GNA12: variants seen among roughly 807,000 people sequenced by gnomAD.
GNA12 encodes guanine nucleotide-binding protein subunit alpha-12.
A neutral mutation model predicts 26.0 loss-of-function variants in GNA12; 9 were observed. That is an observed-to-expected ratio of 0.35 (90% confidence interval 0.21 to 0.60). GNA12 has a LOEUF of 0.60. GNA12 is among the 20% of genes least tolerant of loss of function. The pLI, the probability that GNA12 is intolerant of heterozygous loss-of-function variation, is 0.78. For missense variants in GNA12, 405 were observed against 525.8 expected (o/e 0.77, Z 2.25); for synonymous variants, 264 against 219.6 (o/e 1.20, Z -1.79).
chr7:2,752,545 A>G (rs1791091604), intron 2 of GNA12, among the ~76,000 whole-genome samples: 1 of 152,194 alleles, frequency 6.6e-6, no homozygotes, highest in African/African-American at 2.4e-5. Context: ...CAAACACAAA[A>G]TCCTAAGGAA....
At chr7:2,797,147 T>C (rs895038667) in intron 1 of GNA12, among the ~76,000 whole-genome samples, 4 of 152,186 alleles carry the variant, frequency 2.6e-5, no homozygotes, top group Non-Finnish European at 4.4e-5. Context: ...TAGGCACTTA[T>C]CTATGTTCCT....
chr7:2,828,455 G>T (rs1226486501), intron 1 of GNA12, among the ~76,000 whole-genome samples: 3 of 152,198 alleles, frequency 2.0e-5, no homozygotes, highest in African/African-American at 7.2e-5. Flanking sequence ...CTGTGCTCAA[G>T]CGATCCTCCT....
At chr7:2,787,893 G>A (rs1348148983) in intron 2 of GNA12, among the ~76,000 whole-genome samples, 1 of 152,342 alleles carries the variant, frequency 6.6e-6, no homozygotes, top group East Asian at 1.9e-4. Context: ...CATGGCTCAC[G>A]CCTGGAATCC....
chr7:2,835,280 C>T (rs1011163879), intron 1 of GNA12, among the ~76,000 whole-genome samples: 2 of 152,180 alleles, frequency 1.3e-5, no homozygotes, highest in African/African-American at 2.4e-5. Context: ...TACACAACTT[C>T]GGGAACACCA....
chr7:2,833,150 ATTTCT>A (rs1282474382), intron 1 of GNA12, among the ~76,000 whole-genome samples: 6 of 152,184 alleles, frequency 3.9e-5, no homozygotes, highest in African/African-American at 9.7e-5. Context: ...TGAAGCCTCC[ATTTCT>A]TTTAAGTACA....
chr7:2,835,192 G>A (rs1230583749), intron 1 of GNA12, among the ~76,000 whole-genome samples: 1 of 152,162 alleles, frequency 6.6e-6, no homozygotes, highest in Non-Finnish European at 1.5e-5. Flanking sequence ...TCAGGGAATG[G>A]AAGCACTGTG....
At position 2,815,041 on chromosome 7, in the gene GNA12, G is replaced by T. The variant is rs1793184939; in HGVS notation, c.310-19898C>A. 3.4e-6 allele frequency: 5 copies of T among 1,487,736 alleles called. No individual in the cohort carries two copies. In the South Asian group the frequency reaches 6.6e-5, roughly 20 times the overall value. The allele number at this position is 1,487,736 out of a possible 1,614,324, so 92.2% of individuals were successfully genotyped here. On this transcript the variant is annotated intron_variant, in intron 1 of 3. Coordinates refer to ENST00000275364, the MANE Select transcript of GNA12 (RefSeq NM_007353.3). ...CCACCCAATCCAGTCCCCTGTCAAAGCCACCAAGCGCCGCCACTGTGGCAG... is the reference window on the plus strand; with the variant it reads ...CCACCCAATCCAGTCCCCTGTCAAATCCACCAAGCGCCGCCACTGTGGCAG...
chr7:2,737,333 G>A (rs561186933), intron 2 of GNA12, among the ~76,000 whole-genome samples: 83 of 122,060 alleles, frequency 6.8e-4, no homozygotes, highest in South Asian at 3.2e-3. Context: ...CTGTCGCCCC[G>A]GCTGGAGTGC....
chr7:2,812,167 G>GA (rs1466325225), intron 1 of GNA12, among the ~76,000 whole-genome samples: 3 of 152,148 alleles, frequency 2.0e-5, no homozygotes, highest in Non-Finnish European at 4.4e-5. Flanking sequence ...CTAATTCCAT[G>GA]AAAAAAACTA....
chr7:2,800,170 G>A (rs1199668113), intron 1 of GNA12, among the ~76,000 whole-genome samples: 2 of 152,190 alleles, frequency 1.3e-5, no homozygotes, highest in African/African-American at 2.4e-5. Context: ...AGTTCACTAC[G>A]GAAATGCAAC....
At chr7:2,796,354 C>G (rs1792673112) in intron 1 of GNA12, among the ~76,000 whole-genome samples, 1 of 152,168 alleles carries the variant, frequency 6.6e-6, no homozygotes, top group Admixed American at 6.5e-5. Flanking sequence ...TAAATATGGT[C>G]TCTCCTTCTG....
chr7:2,780,084 A>G (rs1458293251), intron 2 of GNA12, among the ~76,000 whole-genome samples: 1 of 108,364 alleles, frequency 9.2e-6, no homozygotes, highest in African/African-American at 3.1e-5. Context: ...ATATATATAT[A>G]TATATATATG....
At position 2,763,191 on chromosome 7, in the gene GNA12, A is replaced by AACACACACACACACACACACACACAC. The variant is rs56384682; in HGVS notation, c.526-29716_526-29691dup. The AACACACACACACACACACACACACAC allele has an allele frequency of 6.0e-4, 134 of 222,718 alleles. 4 individuals are homozygous for AACACACACACACACACACACACACAC. The highest frequency in any genetic ancestry group is 2.8e-3 in the African/African-American group (102 of 37,026). 13.8% of individuals were successfully genotyped at this position (222,718 alleles called of 1,614,324 possible). Reference sequence around the variant, plus strand: ...TTAGCAGGACTTCACAAGACACCCCAACACACACACACACACACACACACA... The same window carrying AACACACACACACACACACACACACAC: ...TTAGCAGGACTTCACAAGACACCCCAACACACACACACACACACACACACACACACACACACACACACACACACACA... On this transcript the variant is annotated intron_variant, in intron 2 of 3. Coordinates refer to ENST00000275364, the MANE Select transcript of GNA12 (RefSeq NM_007353.3).
rs369786045 is a variant in GNA12 at position 2,754,758 on chromosome 7, A to G, written c.526-21257T>C. 4.6e-5 allele frequency among the ~76,000 whole-genome samples: 7 copies of G among 152,280 alleles called. No individual in the cohort carries two copies. In the East Asian group the frequency reaches 1.2e-3, roughly 25 times the overall value. The stretch of plus-strand genomic sequence containing the variant: ...AGTGAGACCCTGCCTCAAAAGGAGG[A>G]CTTTTGCAGAGCAAACATTTCAAAT... On this transcript the variant is annotated intron_variant, in intron 2 of 3. Transcript: ENST00000275364.
intron 2 of GNA12, among the ~76,000 whole-genome samples, chr7:2,748,742 A>C (rs531916361): frequency 0.026 from 3,950 of 152,288 alleles, 127 homozygotes; most frequent in Middle Eastern, 0.075. Flanking sequence ...AATGGGAGAA[A>C]ATTTTTGCAA....
chr7:2,837,258 C>G (rs969991347), intron 1 of GNA12, among the ~76,000 whole-genome samples: 1 of 152,150 alleles, frequency 6.6e-6, no homozygotes, highest in Non-Finnish European at 1.5e-5. Flanking sequence ...CTTTGCTACC[C>G]CCTCCCATTC....
rs182593519 is a variant in GNA12 at position 2,821,891 on chromosome 7, T to C, written c.309+21962A>G. On this transcript the variant is annotated intron_variant, in intron 1 of 3. Coordinates refer to ENST00000275364, the MANE Select transcript of GNA12 (RefSeq NM_007353.3). ...TTCCCTAAGACCTTTTTCCTGTATT[T>C]ATTACAAGAATTTATTTATGCATCC... 2.0e-5 allele frequency among the ~76,000 whole-genome samples: 3 copies of C among 152,340 alleles called. No homozygotes were observed. The East Asian group carries it at 5.8e-4, about 29-fold the overall frequency.
intron 1 of GNA12, chr7:2,835,942 A>G: frequency 1.9e-6 from 1 of 522,282 alleles, no homozygotes; most frequent in South Asian, 1.7e-5. Context: ...AGTCGAAGCA[A>G]TTCAGTGGGT....
At chr7:2,740,754 C>A (rs1275198988) in intron 2 of GNA12, among the ~76,000 whole-genome samples, 1 of 152,150 alleles carries the variant, frequency 6.6e-6, no homozygotes, top group Admixed American at 6.5e-5. Context: ...CTTAAAACTA[C>A]AGATTTAGGG....
Sources: gnomAD v4.1 joint callset for allele counts (sites outside exome capture counted in the v4.1 genomes callset) on GRCh38, gnomAD v4.1.1 for gene constraint, MANE v1.5 for transcripts, NCBI Gene and HGNC (gene_info 2026-07-23, HGNC 2026-07-21) for gene names.